Variants in C1GALT1 observed in about 807,000 individuals in gnomAD.
C1GALT1 encodes glycoprotein-N-acetylgalactosamine 3-beta-galactosyltransferase 1.
In C1GALT1, 11 loss-of-function variants were observed where a neutral mutation model predicts 31.0. That is an observed-to-expected ratio of 0.36 (90% confidence interval 0.22 to 0.59). The LOEUF (loss-of-function observed/expected upper bound fraction) is 0.59. Ranked by LOEUF, C1GALT1 falls within the 20% of genes least tolerant of loss-of-function variation. The pLI, the probability that C1GALT1 is intolerant of heterozygous loss-of-function variation, is 0.79. For synonymous variants in C1GALT1, 175 were observed against 143.6 expected (o/e 1.22, Z -1.56); for missense variants, 424 against 425.2 (o/e 1.00, Z 0.03).
At chr7:7,191,527 A>G (rs1781071878) in intron 1 of C1GALT1, among the ~76,000 whole-genome samples, 1 of 152,082 alleles carries the variant, frequency 6.6e-6, no homozygotes, top group African/African-American at 2.4e-5. Flanking sequence ...TGGTAATTCT[A>G]TTTTTAATTT....
At chr7:7,227,538 G>T (rs1436055931) in intron 1 of C1GALT1, among the ~76,000 whole-genome samples, 1 of 151,940 alleles carries the variant, frequency 6.6e-6, no homozygotes, top group Non-Finnish European at 1.5e-5. Flanking sequence ...GGCTAAAACG[G>T]TGAAACCCCG....
At chr7:7,210,810 A>G (rs1174568763) in intron 1 of C1GALT1, among the ~76,000 whole-genome samples, 2 of 152,230 alleles carry the variant, frequency 1.3e-5, no homozygotes, top group Non-Finnish European at 2.9e-5. Context: ...CCAGTTTCTA[A>G]TGGCCTAAAT....
At chr7:7,165,437 A>G (rs946854387) in intron 2 of C1GALT1, among the ~76,000 whole-genome samples, 5 of 152,184 alleles carry the variant, frequency 3.3e-5, no homozygotes, top group African/African-American at 1.2e-4. Flanking sequence ...AGGGAATAAG[A>G]AAAAAATTGT....
intron 1 of C1GALT1, among the ~76,000 whole-genome samples, chr7:7,189,880 G>GT (rs57252362): frequency 2.0e-4 from 30 of 150,658 alleles, no homozygotes; most frequent in Middle Eastern, 3.4e-3. Context: ...AGCTGGTTTT[G>GT]TTTTTTTTTC....
chr7:7,177,390 G>A (rs1171547586), intron 2 of C1GALT1, among the ~76,000 whole-genome samples: 2 of 152,038 alleles, frequency 1.3e-5, no homozygotes, highest in Non-Finnish European at 2.9e-5. Context: ...TTATTTTCTT[G>A]CTATTGGGTG....
chr7:7,196,482 G>C (rs1016962378), intron 1 of C1GALT1, among the ~76,000 whole-genome samples: 1 of 152,134 alleles, frequency 6.6e-6, no homozygotes, highest in East Asian at 1.9e-4. Context: ...ATTTGGGTTG[G>C]TTCCAAGTCT....
intron 1 of C1GALT1, among the ~76,000 whole-genome samples, chr7:7,201,204 T>G (rs998884744): frequency 6.6e-6 from 1 of 152,176 alleles, no homozygotes; most frequent in African/African-American, 2.4e-5. Context: ...CCTTTCTGTT[T>G]GTTGGTTTTC....
intron 2 of C1GALT1, among the ~76,000 whole-genome samples, chr7:7,167,777 T>A (rs994575550): frequency 6.6e-6 from 1 of 152,130 alleles, no homozygotes; most frequent in African/African-American, 2.4e-5. Context: ...CTTATTCTCC[T>A]GAGACTGTTG....
intron 1 of C1GALT1, among the ~76,000 whole-genome samples, chr7:7,210,804 T>A (rs1361233481): frequency 1.3e-5 from 2 of 152,154 alleles, no homozygotes; most frequent in African/African-American, 2.4e-5. Context: ...GTGGACCCAG[T>A]TTCTAATGGC....
chr7:7,207,876 G>A (rs1349100828), intron 1 of C1GALT1, among the ~76,000 whole-genome samples: 1 of 151,304 alleles, frequency 6.6e-6, no homozygotes, highest in Non-Finnish European at 1.5e-5. Flanking sequence ...TCTTTTCTGT[G>A]CCTGTGCCTT....
intron 1 of C1GALT1, among the ~76,000 whole-genome samples, chr7:7,232,161 C>T (rs1783102583): frequency 6.6e-6 from 1 of 152,168 alleles, no homozygotes; most frequent in Non-Finnish European, 1.5e-5. Context: ...CAGATTTTGG[C>T]CCTACTAATT....
At chr7:7,213,638 G>A (rs1562578253) in intron 1 of C1GALT1, among the ~76,000 whole-genome samples, 1 of 152,058 alleles carries the variant, frequency 6.6e-6, no homozygotes, top group Non-Finnish European at 1.5e-5. Flanking sequence ...TCTTTCATTA[G>A]CCTTTACTGT....
At chr7:7,167,082 AC>A (rs1780406442) in intron 2 of C1GALT1, among the ~76,000 whole-genome samples, 1 of 152,150 alleles carries the variant, frequency 6.6e-6, no homozygotes, top group Non-Finnish European at 1.5e-5. Context: ...CCTCTGTATT[AC>A]CCCAGGGTCT....
chr7:7,185,167 A>ATTT (rs1780757281), intron 1 of C1GALT1, among the ~76,000 whole-genome samples: 1 of 152,176 alleles, frequency 6.6e-6, no homozygotes, highest in African/African-American at 2.4e-5. Flanking sequence ...ACTGAAAGGA[A>ATTT]AGTCTAAATA....
intron 3 of C1GALT1, among the ~76,000 whole-genome samples, chr7:7,240,172 G>A (rs139458064): frequency 2.0e-3 from 304 of 152,318 alleles, no homozygotes; most frequent in African/African-American, 7.0e-3. Context: ...GGCAAGGTCT[G>A]GAGACATTTT....
Position 7,182,696 on chromosome 7 carries a change from G to A in C1GALT1, c.-142G>A. The A allele has an allele frequency of 1.6e-6, 1 of 609,442 alleles. No homozygotes were observed. The highest frequency in any genetic ancestry group is 2.1e-6 in the Non-Finnish European group (1 of 486,284). 37.8% of individuals were successfully genotyped at this position (609,442 alleles called of 1,614,324 possible). On this transcript the variant is annotated 5_prime_UTR_variant, in exon 1 of 4. Transcript: ENST00000436587. ...CCGGGGAATAATCTGGGCGGCAGCGGGCGGCCTCGGCTAGCGGCCACGAGC... is the reference window on the plus strand; with the variant it reads ...CCGGGGAATAATCTGGGCGGCAGCGAGCGGCCTCGGCTAGCGGCCACGAGC...
At chr7:7,184,196 C>A (rs182694506) in intron 1 of C1GALT1, among the ~76,000 whole-genome samples, 1 of 152,188 alleles carries the variant, frequency 6.6e-6, no homozygotes, top group Non-Finnish European at 1.5e-5. Context: ...TATAAAGTTT[C>A]AAGTTAGCAA....
intron 1 of C1GALT1, among the ~76,000 whole-genome samples, chr7:7,225,693 A>C (rs1347529747): frequency 6.6e-6 from 1 of 152,226 alleles, no homozygotes; most frequent in Non-Finnish European, 1.5e-5. Context: ...CAGAGGCATG[A>C]ATATTTAGTC....
At chr7:7,231,652 G>C in intron 1 of C1GALT1, among the ~76,000 whole-genome samples, 1 of 151,954 alleles carries the variant, frequency 6.6e-6, no homozygotes, top group East Asian at 1.9e-4. Context: ...TTATTTCTAA[G>C]CTAAAAATAT....
Sources: allele counts gnomAD v4.1 joint callset (sites outside exome capture counted in the v4.1 genomes callset), GRCh38; gene constraint gnomAD v4.1.1; transcripts MANE v1.5; gene names NCBI Gene and HGNC (gene_info 2026-07-23, HGNC 2026-07-21).